CHST11: variants seen among roughly 807,000 people sequenced by gnomAD.
CHST11 encodes the protein carbohydrate sulfotransferase 11.
Under a neutral mutation model 30.4 loss-of-function variants are expected in CHST11, and 9 were observed. That is an observed-to-expected ratio of 0.30 (90% CI 0.18 to 0.52). The LOEUF (loss-of-function observed/expected upper bound fraction) is 0.52, where lower values mean the gene tolerates loss of function less well. Among genes scored for constraint, CHST11 ranks in the 20% least tolerant of loss-of-function variants. The pLI is 0.97. For missense variants in CHST11, 348 were observed against 460.6 expected (o/e 0.76, Z 2.24); for synonymous variants, 152 against 187.8 (o/e 0.81, Z 1.56).
chr12:104,655,419 T>C (rs994646014), intron 2 of CHST11, among the ~76,000 whole-genome samples: 1 of 152,158 alleles, frequency 6.6e-6, no homozygotes, highest in African/African-American at 2.4e-5. Context: ...CTGCTCTCAC[T>C]CCCCCCAGCA....
intron 2 of CHST11, among the ~76,000 whole-genome samples, chr12:104,712,969 T>C (rs2040099491): frequency 6.6e-6 from 1 of 151,924 alleles, no homozygotes; most frequent in South Asian, 2.1e-4. Context: ...CCATCCCCCT[T>C]CCCACCTTCC....
chr12:104,544,076 G>A (rs1238560531), intron 1 of CHST11, among the ~76,000 whole-genome samples: 3 of 148,956 alleles, frequency 2.0e-5, no homozygotes, highest in East Asian at 2.0e-4. Context: ...GTGAGCTATG[G>A]TTGAATCACT....
chr12:104,721,572 A>C (rs2040177124), intron 2 of CHST11, among the ~76,000 whole-genome samples: 1 of 152,228 alleles, frequency 6.6e-6, no homozygotes, highest in Non-Finnish European at 1.5e-5. Flanking sequence ...AACTCAGGCA[A>C]GTGTACCCCT....
At chr12:104,509,060 A>G (rs2037936661) in intron 1 of CHST11, among the ~76,000 whole-genome samples, 1 of 152,076 alleles carries the variant, frequency 6.6e-6, no homozygotes. Flanking sequence ...CTTCCCCCAA[A>G]CAAGTAGTAA....
chr12:104,727,207 C>T (rs1460798726), intron 2 of CHST11, among the ~76,000 whole-genome samples: 1 of 152,154 alleles, frequency 6.6e-6, no homozygotes, highest in Non-Finnish European at 1.5e-5. Flanking sequence ...CCTGGAAGTC[C>T]CTAAGGTCTT....
chr12:104,579,081 C>T (rs1256924666), intron 1 of CHST11, among the ~76,000 whole-genome samples: 1 of 152,150 alleles, frequency 6.6e-6, no homozygotes, highest in Non-Finnish European at 1.5e-5. Flanking sequence ...GTTACATGCC[C>T]CTGTTTCCTT....
At chr12:104,467,465 C>A (rs1230275043) in intron 1 of CHST11, among the ~76,000 whole-genome samples, 2 of 152,140 alleles carry the variant, frequency 1.3e-5, no homozygotes, top group Non-Finnish European at 2.9e-5. Context: ...ATTGTCAACT[C>A]TGGGTAAAAG....
Position 104,638,114 on chromosome 12 carries a change from T to A in CHST11, c.204+36123T>A, listed in dbSNP as rs536128647. Among the ~76,000 whole-genome samples the A allele has an allele frequency of 1.8e-4, 27 of 151,758 alleles. No individual in the cohort carries two copies. The South Asian group carries it at 5.6e-3, about 32-fold the overall frequency. ...CCTATTGTAAAATGGGTCTTCCGGG[T>A]CATAACCAACCTTGGAAGCAGGGGA... On this transcript the variant is annotated intron_variant, in intron 2 of 2. Coordinates refer to ENST00000303694, the MANE Select transcript of CHST11 (RefSeq NM_018413.6).
chr12:104,563,125 C>T (rs1461082909), intron 1 of CHST11, among the ~76,000 whole-genome samples: 1 of 152,146 alleles, frequency 6.6e-6, no homozygotes, highest in Non-Finnish European at 1.5e-5. Context: ...ACTCAACCTC[C>T]GTCCCCCCGG....
chr12:104,704,224 C>A (rs1224000416), intron 2 of CHST11, among the ~76,000 whole-genome samples: 2 of 152,216 alleles, frequency 1.3e-5, no homozygotes, highest in Non-Finnish European at 2.9e-5. Context: ...ACCCCTACCT[C>A]CCCCCACTGT....
chr12:104,601,871 C>T (rs770220869), intron 1 of CHST11, 35 bp from the exon 2 acceptor site: 2 of 1,526,496 alleles, frequency 1.3e-6, no homozygotes, highest in East Asian at 4.5e-5. Context: ...ATCTTTGTTG[C>T]TCATTTCTGA....
chr12:104,457,819 C>A (rs1159685517), intron 1 of CHST11, among the ~76,000 whole-genome samples: 4 of 101,242 alleles, frequency 4.0e-5, no homozygotes, highest in African/African-American at 1.4e-4. Context: ...TTCTTTTTTT[C>A]TTTGTGTCCC....
intron 2 of CHST11, among the ~76,000 whole-genome samples, chr12:104,750,428 CTTTTT>C (rs10659007): frequency 0.078 from 3,738 of 47,784 alleles, 21 homozygotes; most frequent in Non-Finnish European, 0.12. Context: ...TATTTCTGCA[CTTTTT>C]TTTTTTTTTT....
At chr12:104,605,152 C>CAAAAAAAAA (rs3039180) in intron 2 of CHST11, among the ~76,000 whole-genome samples, 1 of 93,516 alleles carries the variant, frequency 1.1e-5, no homozygotes, top group Non-Finnish European at 2.2e-5. Flanking sequence ...ATCCCCTCTC[C>CAAAAAAAAA]AAAAAAAAAA....
chr12:104,606,877 G>T (rs1203250232), intron 2 of CHST11, among the ~76,000 whole-genome samples: 2 of 152,048 alleles, frequency 1.3e-5, no homozygotes, highest in Admixed American at 1.3e-4. Flanking sequence ...AAACCAGCCT[G>T]GGCAACATAG....
chr12:104,487,960 G>T (rs889659865), intron 1 of CHST11, among the ~76,000 whole-genome samples: 1 of 151,322 alleles, frequency 6.6e-6, no homozygotes, highest in Non-Finnish European at 1.5e-5. Context: ...CCAGGCTGGA[G>T]TGCAGTGACA....
intron 2 of CHST11, among the ~76,000 whole-genome samples, chr12:104,693,179 T>C (rs1237318693): frequency 2.6e-5 from 4 of 152,180 alleles, no homozygotes; most frequent in Non-Finnish European, 5.9e-5. Context: ...CCCAAAGAAC[T>C]CATTGTATCT....
At chr12:104,705,916 A>T (rs995938905) in intron 2 of CHST11, among the ~76,000 whole-genome samples, 1 of 80,294 alleles carries the variant, frequency 1.2e-5, no homozygotes, top group African/African-American at 9.1e-5. Flanking sequence ...TGTCTCAAAA[A>T]ATAAAAAAAA....
At chr12:104,719,701 A>T (rs943370976) in intron 2 of CHST11, among the ~76,000 whole-genome samples, 1 of 152,088 alleles carries the variant, frequency 6.6e-6, no homozygotes, top group Non-Finnish European at 1.5e-5. Context: ...CTTTATTTTC[A>T]GTGTTCTTCA....
Sources: gnomAD v4.1 joint callset for allele counts (sites outside exome capture counted in the v4.1 genomes callset) on GRCh38, gnomAD v4.1.1 for gene constraint, MANE v1.5 for transcripts, NCBI Gene and HGNC (gene_info 2026-07-23, HGNC 2026-07-21) for gene names.